The following PALM2AKAP2 variants were observed in gnomAD, a reference collection of about 807,000 sequenced individuals.
PALM2AKAP2 encodes the protein PALM2-AKAP2 fusion protein.
A neutral mutation model predicts 71.5 loss-of-function variants in PALM2AKAP2; 37 were observed. The ratio of observed to expected loss-of-function variants is 0.52; its 90% confidence interval spans 0.40 to 0.68. The LOEUF is 0.68. Among genes scored for constraint, PALM2AKAP2 ranks in the 30% least tolerant of loss-of-function variants. PALM2AKAP2 has a pLI of 0.00. For synonymous variants in PALM2AKAP2, 468 were observed against 478.8 expected, an observed-to-expected ratio of 0.98 and a Z score of 0.29; for missense variants, 1,224 against 1,191.8, an observed-to-expected ratio of 1.03 and a Z score of -0.40.
chr9:109,903,100 G>A (rs1454576328), intron 3 of PALM2AKAP2, among the ~76,000 whole-genome samples: 2 of 152,142 alleles, frequency 1.3e-5, no homozygotes, highest in African/African-American at 4.8e-5. Flanking sequence ...AGATGCACGG[G>A]TGAAAGAGCT....
chr9:109,832,557 A>T (rs531019039), intron 1 of PALM2AKAP2, among the ~76,000 whole-genome samples: 2 of 152,240 alleles, frequency 1.3e-5, no homozygotes, highest in African/African-American at 4.8e-5. Flanking sequence ...TGCTGCTTTC[A>T]GAAGAAACAG....
chr9:110,030,773 A>G (rs913767534), intron 7 of PALM2AKAP2, among the ~76,000 whole-genome samples: 1 of 152,164 alleles, frequency 6.6e-6, no homozygotes, highest in African/African-American at 2.4e-5. Context: ...ACTTGGTAAA[A>G]ATCATGACAT....
chr9:110,043,186 C>T (rs927474707), intron 7 of PALM2AKAP2, among the ~76,000 whole-genome samples: 1 of 152,182 alleles, frequency 6.6e-6, no homozygotes, highest in Non-Finnish European at 1.5e-5. Context: ...CACATAAACC[C>T]CTTCCTTCCC....
At chr9:110,000,547 C>T (rs1259532920) in intron 6 of PALM2AKAP2, among the ~76,000 whole-genome samples, 1 of 152,168 alleles carries the variant, frequency 6.6e-6, no homozygotes, top group African/African-American at 2.4e-5. Context: ...ATGGCTGGGT[C>T]AAATGGTATT....
chr9:109,859,619 CT>C (rs1391005251), intron 1 of PALM2AKAP2, among the ~76,000 whole-genome samples: 1 of 152,178 alleles, frequency 6.6e-6, no homozygotes, highest in Non-Finnish European at 1.5e-5. Context: ...GCAGTTCCTT[CT>C]TTTACAGATA....
intron 7 of PALM2AKAP2, 66 bp downstream of exon 7, chr9:110,016,105 T>A: frequency 6.7e-7 from 1 of 1,500,194 alleles, no homozygotes; most frequent in Middle Eastern, 1.7e-4. Flanking sequence ...CGATGGCAGG[T>A]TTTTCTGGGG....
At chr9:109,999,292 T>C (rs964983499) in intron 6 of PALM2AKAP2, among the ~76,000 whole-genome samples, 6 of 151,092 alleles carry the variant, frequency 4.0e-5, no homozygotes, top group African/African-American at 1.5e-4. Flanking sequence ...TGAGCCAAGA[T>C]CACACCAAGA....
chr9:109,766,699 G>A (rs1186798179), intron 1 of PALM2AKAP2, among the ~76,000 whole-genome samples: 2 of 152,240 alleles, frequency 1.3e-5, no homozygotes, highest in Non-Finnish European at 2.9e-5. Context: ...CTACCCTCTA[G>A]GTTTTCATTT....
rs894175202 is a variant in PALM2AKAP2, at chr9:109,969,088, G to A, written c.496+37060G>A. ...TTCCTGCACCTCTACAAATGTGCGT[G>A]CACACACACACACACACACACACAC... On this transcript the variant is annotated intron_variant, in intron 6 of 9. Transcript: ENST00000302798. 1.0e-4 allele frequency among the ~76,000 whole-genome samples: 15 copies of A among 149,704 alleles called. 1 individual carries two copies. In the East Asian group the frequency reaches 2.6e-3, roughly 26 times the overall value.
At chr9:109,730,222 C>G (rs576519056) in intron 1 of PALM2AKAP2, among the ~76,000 whole-genome samples, 1 of 152,140 alleles carries the variant, frequency 6.6e-6, no homozygotes, top group Admixed American at 6.6e-5. Context: ...TAATTCATAG[C>G]AGGAATCTAT....
rs771895754 is a variant in PALM2AKAP2, at chr9:109,880,545, C to A, written c.127-6C>A. The A allele has an allele frequency of 6.2e-7, 1 of 1,612,208 alleles. No homozygotes were observed. The highest frequency in any genetic ancestry group is 2.2e-5 in the East Asian group (1 of 44,886). The stretch of plus-strand genomic sequence containing the variant: ...TCTTGTCTGTTGTCTTCCCTCACTT[C>A]CACAGTCCAAAGTGCTTCGGGAGAA... On this transcript the variant is annotated splice_polypyrimidine_tract_variant and splice_region_variant and intron_variant, in intron 2 of 9. Coordinates refer to the PALM2AKAP2 transcript ENST00000302798.
intron 1 of PALM2AKAP2, among the ~76,000 whole-genome samples, chr9:110,102,475 A>C (rs1835022646): frequency 6.6e-6 from 1 of 152,172 alleles, no homozygotes; most frequent in South Asian, 2.1e-4. Context: ...CTGGATTTTG[A>C]AAGATTAAGC....
intron 1 of PALM2AKAP2, among the ~76,000 whole-genome samples, chr9:110,075,960 A>T (rs1445428722): frequency 6.6e-6 from 1 of 152,076 alleles, no homozygotes; most frequent in Non-Finnish European, 1.5e-5. Context: ...ATTACTTTAT[A>T]TAGTCTCAAA....
intron 1 of PALM2AKAP2, among the ~76,000 whole-genome samples, chr9:109,721,484 CTTG>C (rs1396934839): frequency 6.6e-6 from 1 of 152,214 alleles, no homozygotes; most frequent in Admixed American, 6.5e-5. Flanking sequence ...TACCTTCTAT[CTTG>C]TTATTTCCCC....
At chr9:110,041,199 T>C (rs1795278098) in intron 7 of PALM2AKAP2, among the ~76,000 whole-genome samples, 1 of 152,158 alleles carries the variant, frequency 6.6e-6, no homozygotes, top group Non-Finnish European at 1.5e-5. Flanking sequence ...ATTTCCCAAC[T>C]CTGTGTTTCT....
chr9:109,669,658 T>C (rs1365053669), intron 1 of PALM2AKAP2, among the ~76,000 whole-genome samples: 1 of 152,090 alleles, frequency 6.6e-6, no homozygotes, highest in Non-Finnish European at 1.5e-5. Flanking sequence ...ATATTTCTTT[T>C]TGTATTCTTT....
intron 1 of PALM2AKAP2, among the ~76,000 whole-genome samples, chr9:109,857,880 C>A (rs543716530): frequency 1.2e-4 from 19 of 152,318 alleles, no homozygotes; most frequent in Non-Finnish European, 2.2e-4. Context: ...AACTCAGTTG[C>A]CATTATTATT....
chr9:109,871,182 T>C (rs1009961825), intron 2 of PALM2AKAP2, among the ~76,000 whole-genome samples: 1 of 152,222 alleles, frequency 6.6e-6, no homozygotes, highest in African/African-American at 2.4e-5. Context: ...TTAGAAGACT[T>C]ACTTATTGCA....
At chr9:109,728,740 A>G (rs779375111) in intron 1 of PALM2AKAP2, among the ~76,000 whole-genome samples, 27 of 152,114 alleles carry the variant, frequency 1.8e-4, no homozygotes, top group Non-Finnish European at 3.7e-4. Flanking sequence ...AATTTTTTTT[A>G]TTGTGGTTGA....
Sources: gnomAD v4.1 joint callset for allele counts (sites outside exome capture counted in the v4.1 genomes callset) on GRCh38, gnomAD v4.1.1 for gene constraint, MANE v1.5 for transcripts, NCBI Gene and HGNC (gene_info 2026-07-23, HGNC 2026-07-21) for gene names.